SLC12A6: variants seen among roughly 807,000 people sequenced by gnomAD.
The protein encoded by SLC12A6 is solute carrier family 12 member 6, also known as K-Cl cotransporter 3.
A neutral mutation model predicts 135.3 loss-of-function variants in SLC12A6; 66 were observed. The observed-to-expected ratio is 0.49, with a 90% CI of 0.40 to 0.60. SLC12A6 has a LOEUF of 0.60. SLC12A6 is among the 20% of genes least tolerant of loss of function. The pLI is 0.00. For missense variants in SLC12A6, 1,058 were observed against 1,452.3 expected (o/e 0.73, Z 4.41); for synonymous variants, 513 against 508.8 (o/e 1.01, Z -0.11).
intron 2 of SLC12A6, among the ~76,000 whole-genome samples, chr15:34,286,668 T>A (rs533723069): frequency 6.6e-6 from 1 of 151,954 alleles, no homozygotes; most frequent in African/African-American, 2.4e-5. Flanking sequence ...TGGTGACAGG[T>A]GCCTGTAACC....
At chr15:34,283,675 C>G (rs1471023971) in intron 2 of SLC12A6, among the ~76,000 whole-genome samples, 1 of 151,726 alleles carries the variant, frequency 6.6e-6, no homozygotes, top group Non-Finnish European at 1.5e-5. Flanking sequence ...TAGGTAGGCA[C>G]TACATCTTGT....
At chr15:34,237,876 CATTTA>C (rs924231063) in intron 21 of SLC12A6, among the ~76,000 whole-genome samples, 33 of 152,316 alleles carry the variant, frequency 2.2e-4, no homozygotes, top group African/African-American at 7.7e-4. Flanking sequence ...TTTTAAATCT[CATTTA>C]ATTAGTCTTA....
At chr15:34,310,205 G>GTA (rs1566860028) in intron 2 of SLC12A6, among the ~76,000 whole-genome samples, 3 of 146,106 alleles carry the variant, frequency 2.1e-5, no homozygotes, top group Non-Finnish European at 4.5e-5. Flanking sequence ...GTGTGTGTGT[G>GTA]TGTCCCTGTG....
intron 2 of SLC12A6, among the ~76,000 whole-genome samples, chr15:34,335,644 G>C (rs1179883771): frequency 3.3e-5 from 5 of 152,040 alleles, no homozygotes; most frequent in African/African-American, 1.2e-4. Context: ...CCTCTTCCCA[G>C]TACCTCAAAT....
intron 2 of SLC12A6, among the ~76,000 whole-genome samples, chr15:34,306,076 A>G (rs1010361982): frequency 6.6e-5 from 10 of 152,116 alleles, no homozygotes; most frequent in African/African-American, 2.2e-4. Context: ...CAGCATTTCT[A>G]TTTAGCTAAC....
chr15:34,235,401 T>A, intron 24 of SLC12A6, 87 bp from the exon 25 acceptor site: 1 of 1,083,200 alleles, frequency 9.2e-7, no homozygotes, highest in Non-Finnish European at 1.4e-6. Context: ...CTGAGCTTTT[T>A]CACTTGACTA....
chr15:34,314,474 G>A (rs1002826761), intron 2 of SLC12A6, among the ~76,000 whole-genome samples: 1 of 152,138 alleles, frequency 6.6e-6, no homozygotes, highest in East Asian at 1.9e-4. Flanking sequence ...TGTACAAAGA[G>A]ATCAATGTTG....
chr15:34,234,006 G>A (rs1891088092), intron 25 of SLC12A6, 34 bp from the exon 26 acceptor site: 1 of 1,105,338 alleles, frequency 9.0e-7, no homozygotes. Flanking sequence ...GGCAAAAGAA[G>A]AGCACAAACT....
chr15:34,310,141 TG>T lies in SLC12A6; in HGVS notation c.271+26268del, dbSNP rs1888050424. 2.6e-5 allele frequency among the ~76,000 whole-genome samples: 4 copies of T among 151,808 alleles called. No individual in the cohort carries two copies. In the South Asian group the frequency reaches 8.3e-4, roughly 32 times the overall value. ...CTCCCACCTCAGCCTTCCGAGTAGC[TG>T]GGACTACAGGCACACAACACCACGC... is the stretch of plus-strand genomic sequence containing the variant. On this transcript the variant is annotated intron_variant, in intron 2 of 25. Transcript: ENST00000354181.
At chr15:34,249,488 G>A (rs891294430) in intron 13 of SLC12A6, among the ~76,000 whole-genome samples, 8 of 152,118 alleles carry the variant, frequency 5.3e-5, no homozygotes, top group African/African-American at 1.9e-4. Flanking sequence ...GATTACTTGA[G>A]CCCAGGAGGT....
At chr15:34,325,955 C>T (rs748674779) in intron 2 of SLC12A6, among the ~76,000 whole-genome samples, 1 of 152,208 alleles carries the variant, frequency 6.6e-6, no homozygotes, top group East Asian at 1.9e-4. Context: ...CAACACACCA[C>T]CACCTGCCCA....
At chr15:34,331,361 G>T (rs888738000) in intron 2 of SLC12A6, among the ~76,000 whole-genome samples, 1 of 152,070 alleles carries the variant, frequency 6.6e-6, no homozygotes, top group African/African-American at 2.4e-5. Context: ...GGCTGGTCTC[G>T]AACGCCTGGC....
In SLC12A6 at chr15:34,229,960, C is replaced by T. The variant is rs779176777; in HGVS notation, c.*3921G>A. The T allele has an allele frequency of 5.1e-5, 34 of 660,716 alleles. No homozygotes were observed. The highest frequency in any genetic ancestry group is 4.6e-4 in the African/African-American group (25 of 54,196). 40.9% of individuals were successfully genotyped at this position (660,716 alleles called of 1,614,324 possible). A position where few individuals can be genotyped will look rare whatever the true frequency, so the allele number is the denominator to read the frequency against. On this transcript the variant is annotated 3_prime_UTR_variant, in exon 26 of 26. Transcript: ENST00000354181. ...TCCTAGAAGGACAATGTGCATATTA[C>T]GACAAACACAAAGAAACTATACCAT...
At chr15:34,270,265 C>T (rs944273570) in intron 3 of SLC12A6, among the ~76,000 whole-genome samples, 1 of 149,464 alleles carries the variant, frequency 6.7e-6, no homozygotes, top group Non-Finnish European at 1.5e-5. Context: ...TTATTTTTTG[C>T]TTTTTTGTAG....
chr15:34,255,672 C>A (rs777395541), intron 7 of SLC12A6, among the ~76,000 whole-genome samples: 48 of 151,980 alleles, frequency 3.2e-4, no homozygotes, highest in Non-Finnish European at 5.7e-4. Flanking sequence ...ATGAGACAGC[C>A]CAATAAAATA....
chr15:34,289,666 T>C (rs769553547), intron 2 of SLC12A6, among the ~76,000 whole-genome samples: 5 of 152,246 alleles, frequency 3.3e-5, no homozygotes, highest in Admixed American at 6.5e-5. Context: ...AACCTGTTAT[T>C]GGTCTATTCA....
intron 2 of SLC12A6, among the ~76,000 whole-genome samples, chr15:34,287,381 T>C (rs347804): frequency 0.37 from 56,817 of 152,118 alleles, 13,887 homozygotes; most frequent in African/African-American, 0.71. Flanking sequence ...CAGTCTATCA[T>C]TGATGGACAT....
At chr15:34,318,762 CG>C in intron 2 of SLC12A6, 1 of 1,599,036 alleles carries the variant, frequency 6.3e-7, no homozygotes, top group Admixed American at 1.7e-5. Context: ...TCCTTGCTGT[CG>C]TTTCAGACTG....
intron 2 of SLC12A6, 127 bp from the exon 3 acceptor site, chr15:34,275,516 A>C: frequency 1.5e-6 from 1 of 653,630 alleles, no homozygotes; most frequent in East Asian, 2.8e-5. Flanking sequence ...TGAAATATTA[A>C]TGTGAAGATA....
Sources: allele counts gnomAD v4.1 joint callset (sites outside exome capture counted in the v4.1 genomes callset), GRCh38; gene constraint gnomAD v4.1.1; transcripts MANE v1.5; gene names NCBI Gene and HGNC (gene_info 2026-07-23, HGNC 2026-07-21).